PCDHGA4: variants seen among roughly 807,000 people sequenced by gnomAD.
PCDHGA4 encodes protocadherin gamma subfamily A, 4.
PCDHGA4 carries 38 observed loss-of-function variants against 54.6 expected under a neutral mutation model. The observed-to-expected ratio is 0.70, with a 90% CI of 0.54 to 0.91. PCDHGA4 has a LOEUF of 0.91. PCDHGA4 is among the 40% of genes least tolerant of loss of function. The probability of loss-of-function intolerance (pLI) is 0.00; values close to 1 mark genes in which losing one functional copy is unlikely to be tolerated. For missense variants in PCDHGA4, 1,298 were observed against 1,220.9 expected (o/e 1.06, Z -0.94); for synonymous variants, 511 against 512.9 (o/e 1.00, Z 0.05).
At chr5:141,413,687 T>C (rs1470256826) in intron 1 of PCDHGA4, 1 of 1,613,784 alleles carries the variant, frequency 6.2e-7, no homozygotes, top group South Asian at 1.1e-5. Flanking sequence ...GTGAACTCCC[T>C]GCAGAGCTAT....
Position 141,375,827 on chromosome 5 carries a change from G to T in PCDHGA4, c.2514+18206G>T, listed in dbSNP as rs779058063. On this transcript the variant is annotated intron_variant, in intron 1 of 3. Transcript: ENST00000571252. ...TGGCGTGGAGCTGGCGCCCCGCTCC[G>T]CAGAGCCCGGCTACCTGGTGACCAA... The T allele has an allele frequency of 4.3e-6, 7 of 1,614,136 alleles. No individual in the cohort carries two copies. The highest frequency in any genetic ancestry group is 2.7e-5 in the African/African-American group (2 of 75,070).
intron 1 of PCDHGA4, chr5:141,478,197 T>G (rs2099437910): frequency 6.2e-7 from 1 of 1,613,956 alleles, no homozygotes; most frequent in Admixed American, 1.7e-5. Context: ...ACCTTTTATC[T>G]ACTTCTTTCT....
Position 141,476,370 on chromosome 5 carries a change from A to G in PCDHGA4, c.2515-18437A>G, listed in dbSNP as rs747703594. 13 of 1,613,882 alleles carry G rather than the reference A, an allele frequency of 8.1e-6. No individual in the cohort carries two copies. In the East Asian group the frequency reaches 2.7e-4, roughly 33 times the overall value. On this transcript the variant is annotated intron_variant, in intron 1 of 3. Transcript: ENST00000571252. This position sits in a 1 kb window ranked among gnomAD's most constrained non-coding sequence, Gnocchi z 7.6. ...TTTGAGGTGAACCGGGAGACCGGAG[A>G]GATGTTTGTGAACGACCGTCTGGAT...
At chr5:141,398,006 A>G in intron 1 of PCDHGA4, 1 of 1,396,152 alleles carries the variant, frequency 7.2e-7, no homozygotes. Context: ...TCGGAAAAAG[A>G]ATCGTTTCCT....
chr5:141,397,510 C>T (rs979129643), intron 1 of PCDHGA4, among the ~76,000 whole-genome samples: 2 of 152,098 alleles, frequency 1.3e-5, no homozygotes, highest in African/African-American at 2.4e-5. Context: ...AAAATTGTTT[C>T]CATAGCTAAT....
chr5:141,428,266 G>A (rs764763674), intron 1 of PCDHGA4: 1 of 810,620 alleles, frequency 1.2e-6, no homozygotes. Context: ...TGACAGTCCT[G>A]TGCCCTCTGA....
At chr5:141,361,618 G>A in intron 1 of PCDHGA4, 1 of 1,613,956 alleles carries the variant, frequency 6.2e-7, no homozygotes, top group Non-Finnish European at 8.5e-7. Context: ...CGTAGCGAGC[G>A]ACCTGAAGCC....
chr5:141,404,079 C>G lies in PCDHGA4; in HGVS notation c.2514+46458C>G, dbSNP rs768434673. On this transcript the variant is annotated intron_variant, in intron 1 of 3. Transcript: ENST00000571252. ...CTTTTCAATGCTCATGACCGAGACT[C>G]CGGGAAGAATGGTCAAGTTGTCTGT... 3.1e-6 allele frequency: 5 copies of G among 1,613,568 alleles called. No homozygotes were observed. In the East Asian group the frequency reaches 1.1e-4, roughly 36 times the overall value.
At position 141,491,645 on chromosome 5, in the gene PCDHGA4, C is replaced by T; in HGVS notation, c.2515-3162C>T. On this transcript the variant is annotated intron_variant, in intron 1 of 3. Transcript: ENST00000571252. The surrounding 1 kb of genome is among the most constrained non-coding windows in gnomAD (Gnocchi z 6.9). ...AGCGTTCAGCAGCCCACAGCTCTGG[C>T]GCTGGAGCCTGACGCCATCCGGTCC... 1.2e-6 allele frequency: 2 copies of T among 1,613,890 alleles called. No homozygotes were observed. Among genetic ancestry groups the T allele is most frequent in the African/African-American group, 1.3e-5 (1 of 75,082 alleles).
At chr5:141,468,758 C>G (rs929005462) in intron 1 of PCDHGA4, among the ~76,000 whole-genome samples, 1 of 151,802 alleles carries the variant, frequency 6.6e-6, no homozygotes, top group Admixed American at 6.6e-5. Context: ...CCCAGCTACT[C>G]GGGAGGCTGA....
At chr5:141,421,813 G>A in intron 1 of PCDHGA4, 1 of 1,613,838 alleles carries the variant, frequency 6.2e-7, no homozygotes, top group Non-Finnish European at 8.5e-7. Flanking sequence ...TCCAGAGCTA[G>A]TACTGGAGGG....
At chr5:141,461,951 G>C (rs1419637040) in intron 1 of PCDHGA4, among the ~76,000 whole-genome samples, 1 of 152,186 alleles carries the variant, frequency 6.6e-6, no homozygotes, top group African/African-American at 2.4e-5. Context: ...AACCTCCTGA[G>C]TAGCTGGGAT....
intron 1 of PCDHGA4, among the ~76,000 whole-genome samples, chr5:141,492,781 T>A (rs945023154): frequency 6.6e-6 from 1 of 152,194 alleles, no homozygotes; most frequent in African/African-American, 2.4e-5. Context: ...TGAGTGAGCC[T>A]CTATAGGACA....
In PCDHGA4 at chr5:141,477,005, T is replaced by C; in HGVS notation, c.2515-17802T>C. The C allele has an allele frequency of 1.2e-6, 2 of 1,614,240 alleles. No individual in the cohort carries two copies. Among genetic ancestry groups the C allele is most frequent in the Non-Finnish European group, 1.7e-6 (2 of 1,180,040 alleles). Reference sequence around the variant, plus strand: ...CGCCGGCGTGCGGCAACTATTCGCCTTAGACCTTGTAACCGGGATGCTGAC... The same window carrying C: ...CGCCGGCGTGCGGCAACTATTCGCCCTAGACCTTGTAACCGGGATGCTGAC... On this transcript the variant is annotated intron_variant, in intron 1 of 3. Transcript: ENST00000571252. The surrounding 1 kb of genome is among the most constrained non-coding windows in gnomAD (Gnocchi z 4.9).
At chr5:141,483,745 T>C (rs1288301129) in intron 1 of PCDHGA4, among the ~76,000 whole-genome samples, 1 of 152,130 alleles carries the variant, frequency 6.6e-6, no homozygotes, top group Non-Finnish European at 1.5e-5. Flanking sequence ...AGGATATTCC[T>C]GAGGATCGAG....
intron 1 of PCDHGA4, chr5:141,427,677 C>T: frequency 1.2e-6 from 1 of 816,672 alleles, no homozygotes; most frequent in Non-Finnish European, 2.1e-6. Flanking sequence ...AAACAACCTT[C>T]CCGGAGCCTC....
At chr5:141,450,506 G>A (rs2098682958) in intron 1 of PCDHGA4, among the ~76,000 whole-genome samples, 2 of 151,914 alleles carry the variant, frequency 1.3e-5, no homozygotes, top group Admixed American at 6.6e-5. Context: ...TTTGTTTTGA[G>A]ATGGAGTCTC....
At chr5:141,505,298 T>TA in intron 2 of PCDHGA4, 95 bp from the exon 3 acceptor site, 1 of 1,586,334 alleles carries the variant, frequency 6.3e-7, no homozygotes, top group Non-Finnish European at 8.6e-7. Context: ...GGGGTAGGGT[T>TA]AGGGTACTAG....
chr5:141,398,566 C>T, intron 1 of PCDHGA4: 1 of 1,613,980 alleles, frequency 6.2e-7, no homozygotes, highest in Non-Finnish European at 8.5e-7. Flanking sequence ...TGAGTCTGCA[C>T]AGCCTGGCAC....
Sources: allele counts gnomAD v4.1 joint callset (sites outside exome capture counted in the v4.1 genomes callset), GRCh38; gene constraint gnomAD v4.1.1; non-coding constraint Gnocchi (gnomAD v3.1); transcripts MANE v1.5; gene names NCBI Gene and HGNC (gene_info 2026-07-23, HGNC 2026-07-21).